EFCAB11: variants seen among roughly 807,000 people sequenced by gnomAD.
The protein encoded by EFCAB11 is EF-hand calcium-binding domain-containing protein 11.
In EFCAB11, 14 loss-of-function variants were observed where a neutral mutation model predicts 23.0. The observed-to-expected ratio is 0.61, with a 90% CI of 0.40 to 0.95. The LOEUF is 0.95. Ranked by LOEUF, EFCAB11 falls within the 40% of genes least tolerant of loss-of-function variation. The pLI, the probability that EFCAB11 is intolerant of heterozygous loss-of-function variation, is 0.00. For missense variants in EFCAB11, 198 were observed against 195.8 expected (o/e 1.01, Z -0.07); for synonymous variants, 65 against 66.6 (o/e 0.98, Z 0.11).
intron 5 of EFCAB11, chr14:89,836,751 G>A (rs1357493336): frequency 4.6e-6 from 2 of 436,628 alleles, no homozygotes; most frequent in East Asian, 1.4e-4. Flanking sequence ...GGGCACAGTG[G>A]CTTACACCTG....
chr14:89,901,409 A>G (rs1474588567), intron 5 of EFCAB11, among the ~76,000 whole-genome samples: 1 of 152,258 alleles, frequency 6.6e-6, no homozygotes, highest in Non-Finnish European at 1.5e-5. Flanking sequence ...ATAATCTAGG[A>G]AAGTTACTCT....
intron 5 of EFCAB11, among the ~76,000 whole-genome samples, chr14:89,867,782 G>C (rs902088391): frequency 5.8e-4 from 89 of 152,216 alleles, no homozygotes; most frequent in African/African-American, 2.1e-3. Context: ...CCGAGGAAAT[G>C]AGAGTTTTGC....
At chr14:89,860,866 G>A (rs1566787521) in intron 5 of EFCAB11, among the ~76,000 whole-genome samples, 2 of 152,156 alleles carry the variant, frequency 1.3e-5, no homozygotes, top group Admixed American at 6.5e-5. Context: ...TTCCTTCCAA[G>A]GGGTTTATTA....
In EFCAB11 at chr14:89,876,704, A is replaced by G. The variant is rs972600015; in HGVS notation, c.410+54837T>C. On this transcript the variant is annotated intron_variant, in intron 5 of 5. Transcript: ENST00000316738. The stretch of plus-strand genomic sequence containing the variant: ...TTGGCAGCGCTGCCTGTCATGGCTA[A>G]AGTTAAGTGAATTCCAATCCCCGTT... 9.2e-5 allele frequency among the ~76,000 whole-genome samples: 14 copies of G among 152,164 alleles called. No homozygotes were observed. In the East Asian group the frequency reaches 2.7e-3, roughly 29 times the overall value.
At chr14:89,888,734 G>T (rs1159264463) in intron 5 of EFCAB11, among the ~76,000 whole-genome samples, 1 of 152,140 alleles carries the variant, frequency 6.6e-6, no homozygotes, top group Non-Finnish European at 1.5e-5. Flanking sequence ...CAGAAAGTGG[G>T]CCCTCCCCAG....
At chr14:89,800,720 G>A (rs987449380) in intron 5 of EFCAB11, among the ~76,000 whole-genome samples, 1 of 152,148 alleles carries the variant, frequency 6.6e-6, no homozygotes, top group African/African-American at 2.4e-5. Context: ...AGGGAGACCT[G>A]GAATTGATTT....
intron 5 of EFCAB11, among the ~76,000 whole-genome samples, chr14:89,886,410 C>T (rs1888774201): frequency 2.0e-5 from 3 of 147,700 alleles, no homozygotes; most frequent in Admixed American, 6.9e-5. Flanking sequence ...CCCAGCTATT[C>T]GGGAGGCTGA....
At chr14:89,952,705 C>T (rs553178482) in intron 2 of EFCAB11, 2 of 716,646 alleles carry the variant, frequency 2.8e-6, no homozygotes, top group East Asian at 1.3e-4. Flanking sequence ...AGAGGCATGA[C>T]ATCACAGGGT....
intron 5 of EFCAB11, among the ~76,000 whole-genome samples, chr14:89,915,975 G>A (rs949059008): frequency 3.3e-5 from 5 of 151,962 alleles, no homozygotes; most frequent in African/African-American, 1.2e-4. Context: ...ATGCTATCTA[G>A]CCATCCTTCC....
chr14:89,838,230 T>TA (rs1489922437), intron 5 of EFCAB11, among the ~76,000 whole-genome samples: 3 of 151,818 alleles, frequency 2.0e-5, no homozygotes, highest in African/African-American at 7.2e-5. Context: ...AATAAAGACT[T>TA]AAAAATCCTC....
At chr14:89,826,421 G>A (rs1886693246) in intron 5 of EFCAB11, among the ~76,000 whole-genome samples, 1 of 151,890 alleles carries the variant, frequency 6.6e-6, no homozygotes, top group Admixed American at 6.6e-5. Context: ...GGAACACAGA[G>A]GGGAGGAAAT....
intron 5 of EFCAB11, among the ~76,000 whole-genome samples, chr14:89,858,656 A>ATTTTTTT (rs10648464): frequency 3.3e-4 from 29 of 89,010 alleles, no homozygotes; most frequent in Non-Finnish European, 4.6e-4. Context: ...CACCCAGCTA[A>ATTTTTTT]TTTTTTTTTT....
chr14:89,910,252 G>A (rs376285477), intron 5 of EFCAB11, among the ~76,000 whole-genome samples: 5 of 152,176 alleles, frequency 3.3e-5, no homozygotes, highest in South Asian at 2.1e-4. Flanking sequence ...TTTTGGCCAC[G>A]TTAAGTGTGA....
At chr14:89,911,878 A>G (rs764181462) in intron 5 of EFCAB11, among the ~76,000 whole-genome samples, 7 of 152,232 alleles carry the variant, frequency 4.6e-5, no homozygotes, top group Non-Finnish European at 8.8e-5. Context: ...GTCCTGTGCC[A>G]GGCACAGGGC....
chr14:89,883,148 C>G (rs866234621), intron 5 of EFCAB11, among the ~76,000 whole-genome samples: 1 of 152,110 alleles, frequency 6.6e-6, no homozygotes, highest in Non-Finnish European at 1.5e-5. Context: ...GCCAAATAAC[C>G]CTTTTACATT....
intron 5 of EFCAB11, among the ~76,000 whole-genome samples, chr14:89,925,868 G>A (rs1441678798): frequency 2.0e-5 from 3 of 151,450 alleles, no homozygotes; most frequent in African/African-American, 4.9e-5. Context: ...TTGCTCCGTC[G>A]CCCAGGTTGG....
At chr14:89,923,539 T>C (rs891242892) in intron 5 of EFCAB11, 1 of 358,160 alleles carries the variant, frequency 2.8e-6, no homozygotes, top group Non-Finnish European at 3.9e-6. Flanking sequence ...CCTCAAGAAG[T>C]CTACTTCTTC....
chr14:89,809,890 C>T (rs1169777896), intron 5 of EFCAB11, among the ~76,000 whole-genome samples: 1 of 152,136 alleles, frequency 6.6e-6, no homozygotes, highest in Non-Finnish European at 1.5e-5. Flanking sequence ...CCTTCAAGGC[C>T]TAAAGACTAA....
At chr14:89,894,148 C>T (rs1889083299) in intron 5 of EFCAB11, among the ~76,000 whole-genome samples, 1 of 152,126 alleles carries the variant, frequency 6.6e-6, no homozygotes, top group Non-Finnish European at 1.5e-5. Flanking sequence ...GATGGGGTTT[C>T]ACCGTGTTAG....
Sources: gnomAD v4.1 joint callset for allele counts (sites outside exome capture counted in the v4.1 genomes callset) on GRCh38, gnomAD v4.1.1 for gene constraint, MANE v1.5 for transcripts, NCBI Gene and HGNC (gene_info 2026-07-23, HGNC 2026-07-21) for gene names.